ATP6V0A1: variants seen among roughly 807,000 people sequenced by gnomAD.
The protein encoded by ATP6V0A1 is V-type proton ATPase 116 kDa subunit a 1.
A neutral mutation model predicts 105.4 loss-of-function variants in ATP6V0A1; 43 were observed. The observed-to-expected ratio is 0.41, with a 90% CI of 0.32 to 0.53. The LOEUF (loss-of-function observed/expected upper bound fraction) is 0.53, where lower values mean the gene tolerates loss of function less well. Among genes scored for constraint, ATP6V0A1 ranks in the 20% least tolerant of loss-of-function variants. The pLI is 0.30. For missense variants in ATP6V0A1, 676 were observed against 1,051.1 expected (o/e 0.64, Z 4.93); for synonymous variants, 362 against 372.8 (o/e 0.97, Z 0.33).
In ATP6V0A1 at chr17:42,483,031, A is replaced by G. The variant is rs2089720112; in HGVS notation, c.717-7A>G. ...AGTTAAGAAACTTCGATGTTCTTAT[A>G]TTCCAGGTTCCGAGCCTCACTCTAT... On this transcript the variant is annotated splice_region_variant and splice_polypyrimidine_tract_variant and intron_variant, in intron 8 of 21. Coordinates refer to ENST00000343619, the MANE Select transcript of ATP6V0A1 (RefSeq NM_001130021.3). The G allele has an allele frequency of 2.0e-6, 3 of 1,464,112 alleles. No homozygotes were observed. The highest frequency in any genetic ancestry group is 2.7e-6 in the Non-Finnish European group (3 of 1,099,844). The allele number at this position is 1,464,112 out of a possible 1,614,324, so 90.7% of individuals were successfully genotyped here.
At chr17:42,496,119 G>A (rs1390664463) in intron 14 of ATP6V0A1, 1 of 165,094 alleles carries the variant, frequency 6.1e-6, no homozygotes, top group Non-Finnish European at 1.3e-5. Flanking sequence ...AGTTATGTGG[G>A]TTTTCGTTGA....
intron 11 of ATP6V0A1, among the ~76,000 whole-genome samples, chr17:42,493,809 A>G (rs575222928): frequency 1.4e-4 from 22 of 152,100 alleles, no homozygotes; most frequent in Admixed American, 2.6e-4. Context: ...GAAAGACCCC[A>G]TCTCTCTTTT....
intron 10 of ATP6V0A1, among the ~76,000 whole-genome samples, chr17:42,490,219 T>C (rs2145966509): frequency 6.6e-6 from 1 of 152,336 alleles, no homozygotes; most frequent in African/African-American, 2.4e-5. Flanking sequence ...AGTTAAATTT[T>C]TTTCACATTA....
intron 5 of ATP6V0A1, among the ~76,000 whole-genome samples, chr17:42,475,717 G>C (rs2088645225): frequency 6.6e-6 from 1 of 152,158 alleles, no homozygotes; most frequent in Non-Finnish European, 1.5e-5. Context: ...AGTCATCCTA[G>C]TTTCTCACCA....
At chr17:42,496,570 G>A (rs1234156097) in intron 14 of ATP6V0A1, 1 of 152,150 alleles carries the variant, frequency 6.6e-6, no homozygotes, top group Non-Finnish European at 1.5e-5. Flanking sequence ...GCTGGGCGAG[G>A]TGGCTCATGC....
At chr17:42,463,147 C>T (rs948935501) in intron 2 of ATP6V0A1, among the ~76,000 whole-genome samples, 1 of 137,930 alleles carries the variant, frequency 7.3e-6, no homozygotes, top group Non-Finnish European at 1.6e-5. Flanking sequence ...GGACTACAGG[C>T]GCACACCGCC....
chr17:42,469,135 A>G (rs2087511533), intron 4 of ATP6V0A1, among the ~76,000 whole-genome samples: 1 of 152,114 alleles, frequency 6.6e-6, no homozygotes, highest in Non-Finnish European at 1.5e-5. Flanking sequence ...GGTGTGAGCT[A>G]CCACACCTGG....
At chr17:42,485,470 G>A (rs952649514) in intron 9 of ATP6V0A1, among the ~76,000 whole-genome samples, 1 of 152,156 alleles carries the variant, frequency 6.6e-6, no homozygotes, top group South Asian at 2.1e-4. Context: ...GAAAGAGAAC[G>A]GCAAATAGAA....
At position 42,497,984 on chromosome 17, in the gene ATP6V0A1, G is replaced by A. The variant is rs1268029239; in HGVS notation, c.1561-940G>A. 4.6e-5 allele frequency among the ~76,000 whole-genome samples: 7 copies of A among 151,228 alleles called. No individual in the cohort carries two copies. The East Asian group carries it at 1.4e-3, about 29-fold the overall frequency. On this transcript the variant is annotated intron_variant, in intron 14 of 21. Coordinates refer to ENST00000343619, the MANE Select transcript of ATP6V0A1 (RefSeq NM_001130021.3). ...TTACTGGCCGGGCGCAGTGACTCAA[G>A]CCTGTAATCCAAGCAGTTTGGGAGG... is the stretch of plus-strand genomic sequence containing the variant.
At chr17:42,501,083 T>C in intron 16 of ATP6V0A1, 114 bp from the exon 17 acceptor site, 1 of 1,155,240 alleles carries the variant, frequency 8.7e-7, no homozygotes, top group South Asian at 1.4e-5. Flanking sequence ...GATAGTGTTA[T>C]TCATAGATTA....
intron 17 of ATP6V0A1, among the ~76,000 whole-genome samples, chr17:42,503,801 A>T (rs928768093): frequency 2.6e-5 from 4 of 152,228 alleles, no homozygotes; most frequent in African/African-American, 9.6e-5. Flanking sequence ...AGTCTAAGTC[A>T]TCCTTCTGGA....
At chr17:42,503,373 T>C (rs2091824641) in intron 17 of ATP6V0A1, among the ~76,000 whole-genome samples, 1 of 152,248 alleles carries the variant, frequency 6.6e-6, no homozygotes, top group Non-Finnish European at 1.5e-5. Context: ...GTTTAGTTTT[T>C]TGTGAGAAAC....
Position 42,484,302 on chromosome 17 carries a change from C to T in ATP6V0A1, c.810+1171C>T, listed in dbSNP as rs191694830. On this transcript the variant is annotated intron_variant, in intron 9 of 21. Coordinates refer to ENST00000343619, the MANE Select transcript of ATP6V0A1 (RefSeq NM_001130021.3). ...TCGATCTCCTGACCGTGTGATCTGCCTGCCTCGGTCTCCCAAAGTACTGGG... is the reference window on the plus strand; with the variant it reads ...TCGATCTCCTGACCGTGTGATCTGCTTGCCTCGGTCTCCCAAAGTACTGGG... Among the ~76,000 whole-genome samples the T allele has an allele frequency of 2.8e-4, 42 of 152,280 alleles. No individual in the cohort carries two copies. In the East Asian group the frequency reaches 7.5e-3, roughly 27 times the overall value.
At chr17:42,485,335 C>T (rs903448736) in intron 9 of ATP6V0A1, among the ~76,000 whole-genome samples, 5 of 152,096 alleles carry the variant, frequency 3.3e-5, no homozygotes, top group African/African-American at 9.7e-5. Context: ...TCCTTCCAGA[C>T]CTATGGGTAG....
Position 42,472,247 on chromosome 17 carries a change from T to C in ATP6V0A1, c.423+2029T>C, listed in dbSNP as rs1187428268. 2.7e-5 allele frequency among the ~76,000 whole-genome samples: 4 copies of C among 150,836 alleles called. No individual in the cohort carries two copies. In the East Asian group the frequency reaches 8.0e-4, roughly 30 times the overall value. On this transcript the variant is annotated intron_variant, in intron 5 of 21. Transcript: ENST00000343619. ...TTTTGTATTTTCAGTAGAGACAGCG[T>C]TTCACCATGTTGGCCAGGCTGGTCT...
At chr17:42,461,756 CAA>C (rs1251998381) in intron 2 of ATP6V0A1, among the ~76,000 whole-genome samples, 1 of 152,116 alleles carries the variant, frequency 6.6e-6, no homozygotes, top group Non-Finnish European at 1.5e-5. Flanking sequence ...GGCGACAGAG[CAA>C]GACTCCGTCT....
intron 7 of ATP6V0A1, among the ~76,000 whole-genome samples, chr17:42,479,606 T>C (rs2089233832): frequency 1.3e-5 from 2 of 152,266 alleles, no homozygotes; most frequent in African/African-American, 4.8e-5. Context: ...TAAATTCGTG[T>C]TCTTTACCTA....
intron 5 of ATP6V0A1, among the ~76,000 whole-genome samples, chr17:42,474,463 C>G (rs1411625840): frequency 6.6e-6 from 1 of 152,194 alleles, no homozygotes; most frequent in African/African-American, 2.4e-5. Context: ...GCAAGAACCT[C>G]TCTGCCTTGC....
intron 17 of ATP6V0A1, among the ~76,000 whole-genome samples, chr17:42,505,984 C>T (rs889808377): frequency 4.6e-5 from 7 of 152,032 alleles, no homozygotes; most frequent in African/African-American, 9.7e-5. Flanking sequence ...GACGGGGTTT[C>T]GCCATGTTGG....
Sources: allele counts gnomAD v4.1 joint callset (sites outside exome capture counted in the v4.1 genomes callset), GRCh38; gene constraint gnomAD v4.1.1; transcripts MANE v1.5; gene names NCBI Gene and HGNC (gene_info 2026-07-23, HGNC 2026-07-21).